The following TEAD4 variants were observed in gnomAD, a reference collection of about 807,000 sequenced individuals.
TEAD4 encodes the protein TEA domain transcription factor 4, also known as transcriptional enhancer factor TEF-3.
TEAD4 carries 36 observed loss-of-function variants against 52.4 expected under a neutral mutation model. The observed-to-expected ratio is 0.69, with a 90% confidence interval of 0.53 to 0.91. The LOEUF is 0.91. Among genes scored for constraint, TEAD4 ranks in the 40% least tolerant of loss-of-function variants. The pLI, the probability that TEAD4 is intolerant of heterozygous loss-of-function variation, is 0.00. For synonymous variants in TEAD4, 220 were observed against 231.0 expected (o/e 0.95, Z 0.43); for missense variants, 508 against 583.9 (o/e 0.87, Z 1.34).
intron 2 of TEAD4, among the ~76,000 whole-genome samples, chr12:2,990,705 A>T (rs1208443527): frequency 6.6e-6 from 1 of 151,978 alleles, no homozygotes; most frequent in Non-Finnish European, 1.5e-5. Context: ...ACCTCAAGTG[A>T]TCCGTCTGTC....
chr12:2,969,396 G>A (rs2098223284), intron 2 of TEAD4, among the ~76,000 whole-genome samples: 1 of 152,210 alleles, frequency 6.6e-6, no homozygotes, highest in Admixed American at 6.5e-5. Flanking sequence ...TCGGGTTTCA[G>A]TATCCTTAGA....
intron 2 of TEAD4, among the ~76,000 whole-genome samples, chr12:2,991,045 A>C (rs2098242570): frequency 6.6e-6 from 1 of 152,070 alleles, no homozygotes; most frequent in Admixed American, 6.6e-5. Flanking sequence ...ACAGTAAATA[A>C]ATAATTAGCC....
chr12:2,979,217 C>T (rs748809072), intron 2 of TEAD4, among the ~76,000 whole-genome samples: 1 of 152,092 alleles, frequency 6.6e-6, no homozygotes, highest in African/African-American at 2.4e-5. Context: ...CGCCCGGTCT[C>T]ATTCCTTTTT....
chr12:2,975,245 TTCCCGTAGATACATTCTTGCC>T (rs2098228591), intron 2 of TEAD4, among the ~76,000 whole-genome samples: 1 of 151,696 alleles, frequency 6.6e-6, no homozygotes, highest in South Asian at 2.1e-4. Flanking sequence ...GAAAGTAGAC[TTCCCGTAGATACATTCTTGCC>T]CCGCCCCCAG....
chr12:3,012,354 G>A, intron 5 of TEAD4, 122 bp downstream of exon 5: 1 of 1,125,794 alleles, frequency 8.9e-7, no homozygotes, highest in Non-Finnish European at 1.3e-6. Context: ...CTCTGTTGAG[G>A]AGAGCCAGGT....
chr12:3,006,650 C>T (rs541385494), intron 3 of TEAD4, among the ~76,000 whole-genome samples: 9 of 151,588 alleles, frequency 5.9e-5, no homozygotes, highest in African/African-American at 2.2e-4. Flanking sequence ...CGCCATTTCA[C>T]TCCAGCCTAG....
intron 8 of TEAD4, among the ~76,000 whole-genome samples, chr12:3,019,938 G>C (rs561063451): frequency 4.7e-4 from 71 of 152,266 alleles, no homozygotes; most frequent in African/African-American, 1.5e-3. Flanking sequence ...TTCACTCCAG[G>C]CCTGCTGGCT....
At chr12:3,002,762 T>G (rs1046459894) in intron 3 of TEAD4, among the ~76,000 whole-genome samples, 5 of 152,090 alleles carry the variant, frequency 3.3e-5, no homozygotes, top group African/African-American at 9.7e-5. Flanking sequence ...GGAGCATGAC[T>G]AGGACAGACA....
intron 2 of TEAD4, among the ~76,000 whole-genome samples, chr12:2,979,088 G>A (rs1040047983): frequency 6.6e-6 from 1 of 151,844 alleles, no homozygotes; most frequent in Admixed American, 6.6e-5. Context: ...GCTAATTTTT[G>A]TATTTTTAGT....
At chr12:3,026,664 T>C (rs2153957854) in intron 10 of TEAD4, among the ~76,000 whole-genome samples, 1 of 152,354 alleles carries the variant, frequency 6.6e-6, no homozygotes, top group African/African-American at 2.4e-5. Context: ...GTTGCTGTTC[T>C]GAATAAAATC....
intron 2 of TEAD4, among the ~76,000 whole-genome samples, chr12:2,971,515 G>T (rs892247132): frequency 6.6e-5 from 10 of 151,206 alleles, no homozygotes; most frequent in Admixed American, 1.3e-4. Flanking sequence ...TCGCTCTGTC[G>T]CCCAGGCTGG....
At chr12:3,001,415 A>T (rs1262007202) in intron 3 of TEAD4, among the ~76,000 whole-genome samples, 1 of 152,148 alleles carries the variant, frequency 6.6e-6, no homozygotes, top group African/African-American at 2.4e-5. Flanking sequence ...CTCTGCCCCT[A>T]TAGCCGCTGG....
chr12:2,980,332 C>G (rs1366738253), intron 2 of TEAD4, among the ~76,000 whole-genome samples: 1 of 152,160 alleles, frequency 6.6e-6, no homozygotes, highest in Non-Finnish European at 1.5e-5. Flanking sequence ...TCTCTAGCTC[C>G]CTTAGCCTGC....
At chr12:3,003,917 G>A (rs964251226) in intron 3 of TEAD4, among the ~76,000 whole-genome samples, 4 of 152,312 alleles carry the variant, frequency 2.6e-5, no homozygotes, top group African/African-American at 7.2e-5. Flanking sequence ...CCCTCCCACC[G>A]CCACCACCTC....
chr12:3,031,004 G>T (rs891502547), intron 10 of TEAD4, among the ~76,000 whole-genome samples: 1 of 152,234 alleles, frequency 6.6e-6, no homozygotes, highest in African/African-American at 2.4e-5. Context: ...CAGGCAAGAC[G>T]CATGTGCCTC....
chr12:3,013,319 T>G (rs1283358653), intron 5 of TEAD4, among the ~76,000 whole-genome samples: 1 of 150,710 alleles, frequency 6.6e-6, no homozygotes, highest in Non-Finnish European at 1.5e-5. Flanking sequence ...CAACAAAATA[T>G]CACCCTGATG....
intron 3 of TEAD4, among the ~76,000 whole-genome samples, chr12:3,010,007 T>C (rs930788531): frequency 6.6e-6 from 1 of 152,278 alleles, no homozygotes; most frequent in Non-Finnish European, 1.5e-5. Context: ...CCGCAAGCCC[T>C]CCCGGTTCCG....
chr12:2,961,566 G>A (rs114777194), intron 2 of TEAD4, among the ~76,000 whole-genome samples: 1,657 of 152,198 alleles, frequency 0.011, 25 homozygotes, highest in African/African-American at 0.033. Flanking sequence ...AGGCAGACCA[G>A]GGTACAAATC....
intron 2 of TEAD4, among the ~76,000 whole-genome samples, chr12:2,986,500 C>T (rs11609663): frequency 0.054 from 8,131 of 151,714 alleles, 246 homozygotes; most frequent in Middle Eastern, 0.068. Context: ...ATTAGCCGGG[C>T]GTGGTGGTAC....
Sources: gnomAD v4.1 joint callset for allele counts (sites outside exome capture counted in the v4.1 genomes callset) on GRCh38, gnomAD v4.1.1 for gene constraint, MANE v1.5 for transcripts, NCBI Gene and HGNC (gene_info 2026-07-23, HGNC 2026-07-21) for gene names.